RNF220: variants seen among roughly 807,000 people sequenced by gnomAD.
The protein encoded by RNF220 is E3 ubiquitin-protein ligase RNF220.
Under a neutral mutation model 67.1 loss-of-function variants are expected in RNF220, and 7 were observed. The ratio of observed to expected loss-of-function variants is 0.10; its 90% CI spans 0.06 to 0.20. The LOEUF is 0.20. RNF220 is among the 10% of genes least tolerant of loss of function. The pLI is 1.00. For synonymous variants in RNF220, 270 were observed against 283.2 expected (o/e 0.95, Z 0.47); for missense variants, 565 against 740.3 (o/e 0.76, Z 2.75).
At chr1:44,423,892 C>T (rs1157152080) in intron 2 of RNF220, 17 of 985,274 alleles carry the variant, frequency 1.7e-5, no homozygotes, top group Middle Eastern at 5.2e-4. Context: ...AAAAAGAAAG[C>T]GAAGCAAACC....
chr1:44,424,163 G>A (rs893099381), intron 2 of RNF220: 1 of 257,510 alleles, frequency 3.9e-6, no homozygotes, highest in African/African-American at 2.3e-5. Flanking sequence ...CTGTATATAT[G>A]AAAAAGAAAT....
Position 44,411,994 on chromosome 1 carries a change from A to G in RNF220, c.-104A>G. On this transcript the variant is annotated 5_prime_UTR_variant, in exon 2 of 15. The change abolishes an upstream ATG in the 5' untranslated region. Transcript: ENST00000361799. Reference sequence around the variant, plus strand: ...CTGTTTCTACAGGTCTTAGGAGGGAATGATTCCCCAGTAATATTCCCTGCC... The same window carrying G: ...CTGTTTCTACAGGTCTTAGGAGGGAGTGATTCCCCAGTAATATTCCCTGCC... The G allele has an allele frequency of 7.7e-7, 1 of 1,299,000 alleles. No homozygotes were observed. Among genetic ancestry groups the G allele is most frequent in the Non-Finnish European group, 1.1e-6 (1 of 941,226 alleles). The allele number at this position is 1,299,000 out of a possible 1,614,324, so 80.5% of individuals were successfully genotyped here.
intron 2 of RNF220, among the ~76,000 whole-genome samples, chr1:44,451,062 A>G (rs1025284395): frequency 4.6e-5 from 7 of 152,304 alleles, no homozygotes; most frequent in Middle Eastern, 3.4e-3. Context: ...GGGCACCTGT[A>G]GTCCCAGCTA....
intron 9 of RNF220, 80 bp from the exon 10 acceptor site, chr1:44,644,915 G>A: frequency 6.4e-7 from 1 of 1,562,860 alleles, no homozygotes. Flanking sequence ...GCTTTGGCCA[G>A]GAGGGCCATG....
intron 2 of RNF220, among the ~76,000 whole-genome samples, chr1:44,439,722 G>A (rs1001617200): frequency 1.3e-5 from 2 of 151,906 alleles, no homozygotes; most frequent in Non-Finnish European, 2.9e-5. Context: ...CTATTCAAAT[G>A]TGCAGTAGTT....
chr1:44,616,261 A>G lies in RNF220; in HGVS notation c.758+1964A>G, dbSNP rs139243728. On this transcript the variant is annotated intron_variant, in intron 3 of 14. Transcript: ENST00000361799. ...GTCAAGTCCAGCTCATTCTCAAGGG[A>G]GAAGAATTAAGCTCTAGAAGCTCTA... Among the ~76,000 whole-genome samples the G allele has an allele frequency of 8.5e-5, 13 of 152,326 alleles. No homozygotes were observed. In the East Asian group the frequency reaches 2.5e-3, roughly 29 times the overall value.
At chr1:44,584,601 C>G (rs547181878) in intron 2 of RNF220, among the ~76,000 whole-genome samples, 1 of 152,206 alleles carries the variant, frequency 6.6e-6, no homozygotes, top group Non-Finnish European at 1.5e-5. Context: ...GTTGCAGGTA[C>G]TGGAACGTGG....
At chr1:44,455,018 G>A (rs1195469101) in intron 2 of RNF220, among the ~76,000 whole-genome samples, 1 of 152,178 alleles carries the variant, frequency 6.6e-6, no homozygotes, top group Non-Finnish European at 1.5e-5. Flanking sequence ...ACAAGTTTTT[G>A]TGCAAACGTA....
intron 2 of RNF220, among the ~76,000 whole-genome samples, chr1:44,581,633 G>A (rs1019265310): frequency 2.0e-5 from 3 of 152,206 alleles, no homozygotes; most frequent in African/African-American, 7.2e-5. Flanking sequence ...ACCTTTGAGG[G>A]ACTCTGGAGA....
chr1:44,412,813 A>G lies in RNF220; in HGVS notation c.625+91A>G. The G allele has an allele frequency of 1.4e-6, 2 of 1,434,782 alleles. No individual in the cohort carries two copies. The highest frequency in any genetic ancestry group is 1.9e-6 in the Non-Finnish European group (2 of 1,054,700). The allele number at this position is 1,434,782 out of a possible 1,614,324, so 88.9% of individuals were successfully genotyped here. On this transcript the variant is annotated intron_variant, in intron 2 of 14. Coordinates refer to ENST00000361799, the MANE Select transcript of RNF220 (RefSeq NM_018150.4). This position sits in a 1 kb window ranked among gnomAD's most constrained non-coding sequence, Gnocchi z 5.3. ...GGTCGGTGGCGTTTTGCATGCTCCT[A>G]GTAATAGGAAGGGCCAACTACTTCC...
chr1:44,607,966 C>G (rs1247099773), intron 2 of RNF220, among the ~76,000 whole-genome samples: 1 of 150,444 alleles, frequency 6.6e-6, no homozygotes, highest in Non-Finnish European at 1.5e-5. Context: ...CTCTGTAGGC[C>G]AGGCTGGAGT....
At chr1:44,629,607 G>T (rs1013088181) in intron 5 of RNF220, among the ~76,000 whole-genome samples, 5 of 152,168 alleles carry the variant, frequency 3.3e-5, no homozygotes, top group Non-Finnish European at 7.3e-5. Context: ...GGAGGCCAAC[G>T]CAAGTGGACT....
intron 2 of RNF220, among the ~76,000 whole-genome samples, chr1:44,587,477 C>T (rs1665790827): frequency 6.6e-6 from 1 of 152,160 alleles, no homozygotes; most frequent in African/African-American, 2.4e-5. Context: ...GCATTTTTCC[C>T]CTTCTCTTCA....
At chr1:44,611,618 C>T (rs532345611) in intron 2 of RNF220, among the ~76,000 whole-genome samples, 1 of 152,206 alleles carries the variant, frequency 6.6e-6, no homozygotes, top group African/African-American at 2.4e-5. Flanking sequence ...AGCATCACCT[C>T]GCCCACAGAT....
chr1:44,572,538 A>G (rs76758212), intron 2 of RNF220, among the ~76,000 whole-genome samples: 4 of 152,346 alleles, frequency 2.6e-5, no homozygotes, highest in Admixed American at 2.0e-4. Flanking sequence ...TGGGTGCTGA[A>G]TAATGTTTTG....
intron 2 of RNF220, among the ~76,000 whole-genome samples, chr1:44,557,169 G>A (rs1663171243): frequency 6.9e-6 from 1 of 144,022 alleles, no homozygotes; most frequent in African/African-American, 2.6e-5. Flanking sequence ...ATATACATAT[G>A]TATATATTAA....
intron 2 of RNF220, among the ~76,000 whole-genome samples, chr1:44,414,182 C>T (rs1482997496): frequency 6.6e-6 from 1 of 152,154 alleles, no homozygotes; most frequent in East Asian, 1.9e-4. Context: ...GATCCTGCTT[C>T]TTGGATATAC....
chr1:44,635,996 T>G (rs754920055), intron 7 of RNF220, 34 bp from the exon 8 acceptor site: 2 of 1,614,016 alleles, frequency 1.2e-6, no homozygotes, highest in Non-Finnish European at 1.7e-6. Flanking sequence ...GGGGATGGCC[T>G]GGGCCCAGCA....
chr1:44,645,166 G>A lies in RNF220; in HGVS notation c.1311-55G>A. ...GGTTAACGCAGTACTGACCCTCAGG[G>A]CTGTCCTGCCCGCCTTCAGGCCTCA... On this transcript the variant is annotated intron_variant, in intron 10 of 14. Coordinates refer to ENST00000361799, the MANE Select transcript of RNF220 (RefSeq NM_018150.4). This position sits in a 1 kb window ranked among gnomAD's most constrained non-coding sequence, Gnocchi z 5.0. The A allele has an allele frequency of 4.3e-6, 7 of 1,612,762 alleles. No individual in the cohort carries two copies. The highest frequency in any genetic ancestry group is 1.1e-5 in the South Asian group (1 of 91,048).
Sources: allele counts gnomAD v4.1 joint callset (sites outside exome capture counted in the v4.1 genomes callset), GRCh38; gene constraint gnomAD v4.1.1; non-coding constraint Gnocchi (gnomAD v3.1); transcripts MANE v1.5; gene names NCBI Gene and HGNC (gene_info 2026-07-23, HGNC 2026-07-21).